The following SIPA1L2 variants were observed in gnomAD, a reference collection of about 807,000 sequenced individuals.
SIPA1L2 encodes the protein signal induced proliferation associated 1 like 2.
SIPA1L2 carries 56 observed loss-of-function variants against 163.9 expected under a neutral mutation model. That is an observed-to-expected ratio of 0.34 (90% CI 0.28 to 0.43). SIPA1L2 has a LOEUF of 0.43. Among genes scored for constraint, SIPA1L2 ranks in the 20% least tolerant of loss-of-function variants. The probability of loss-of-function intolerance (pLI) is 1.00; values close to 1 mark genes in which losing one functional copy is unlikely to be tolerated. For synonymous variants in SIPA1L2, 877 were observed against 865.7 expected (o/e 1.01, Z -0.23); for missense variants, 1,974 against 2,193.5 (o/e 0.90, Z 2.00).
intron 16 of SIPA1L2, among the ~76,000 whole-genome samples, chr1:232,429,869 C>T (rs1049637663): frequency 4.6e-5 from 7 of 152,086 alleles, no homozygotes; most frequent in Non-Finnish European, 7.4e-5. Context: ...GGGAAAGATG[C>T]GGGGAAAAAT....
At chr1:232,408,301 T>A (rs1660757243) in intron 19 of SIPA1L2, among the ~76,000 whole-genome samples, 2 of 151,878 alleles carry the variant, frequency 1.3e-5, no homozygotes, top group African/African-American at 2.4e-5. Context: ...TTTTTTTTTT[T>A]AAACTGTTTG....
rs1464593081 is a variant in SIPA1L2 at position 232,483,984 on chromosome 1, T to A, written c.1807-18A>T. ...AAGCTCAGCTGAAATGGGGGAGAAA[T>A]ATAATTACTTGGCAAAGCATATCAG... On this transcript the variant is annotated intron_variant, in intron 5 of 22. Transcript: ENST00000674635. 7 of 1,597,044 alleles carry A rather than the reference T, an allele frequency of 4.4e-6. No homozygotes were observed. The highest frequency in any genetic ancestry group is 5.1e-6 in the Non-Finnish European group (6 of 1,175,032).
intron 2 of SIPA1L2, among the ~76,000 whole-genome samples, chr1:232,563,354 T>C (rs559314614): frequency 5.4e-4 from 82 of 152,266 alleles, no homozygotes; most frequent in African/African-American, 1.8e-3. Flanking sequence ...CAAACCTAAA[T>C]TTTAGCCCTT....
intron 19 of SIPA1L2, among the ~76,000 whole-genome samples, chr1:232,409,366 C>A (rs1427609930): frequency 6.6e-6 from 1 of 152,150 alleles, no homozygotes; most frequent in African/African-American, 2.4e-5. Context: ...CATGTTAATT[C>A]AATCTTACTG....
At chr1:232,504,410 T>C (rs6698163) in intron 3 of SIPA1L2, among the ~76,000 whole-genome samples, 109,306 of 151,670 alleles carry the variant, frequency 0.72, 39,595 homozygotes, top group East Asian at 0.88. Flanking sequence ...TGGTGGCGCA[T>C]GCCTGTAGTT....
intron 10 of SIPA1L2, among the ~76,000 whole-genome samples, chr1:232,456,577 A>G (rs1423271882): frequency 3.9e-5 from 6 of 152,242 alleles, no homozygotes; most frequent in Non-Finnish European, 7.3e-5. Context: ...CACTCACATT[A>G]TATAACAACT....
chr1:232,552,399 C>T (rs1301168582), intron 2 of SIPA1L2, among the ~76,000 whole-genome samples: 2 of 151,872 alleles, frequency 1.3e-5, no homozygotes, highest in African/African-American at 4.8e-5. Flanking sequence ...AGTAAATATT[C>T]GTTTTCTGCT....
intron 10 of SIPA1L2, among the ~76,000 whole-genome samples, chr1:232,454,683 C>T (rs1663792245): frequency 6.6e-6 from 1 of 152,200 alleles, no homozygotes; most frequent in African/African-American, 2.4e-5. Context: ...AATGCTCATG[C>T]TTTACCGCCA....
At chr1:232,601,470 CAA>C (rs1010126480) in intron 1 of SIPA1L2, among the ~76,000 whole-genome samples, 2 of 152,194 alleles carry the variant, frequency 1.3e-5, no homozygotes, top group Admixed American at 1.3e-4. Flanking sequence ...GGGCACCAAA[CAA>C]AGGATAACTC....
intron 5 of SIPA1L2, 117 bp downstream of exon 5, chr1:232,490,757 A>C: frequency 1.8e-6 from 2 of 1,089,072 alleles, no homozygotes; most frequent in Middle Eastern, 3.2e-4. Context: ...TAAAGAGAAA[A>C]TGTTCTAAGG....
At chr1:232,407,449 G>A (rs1660707153) in intron 19 of SIPA1L2, among the ~76,000 whole-genome samples, 2 of 152,166 alleles carry the variant, frequency 1.3e-5, no homozygotes, top group Admixed American at 1.3e-4. Flanking sequence ...CATAAAAAGG[G>A]ATGTTTATTA....
intron 3 of SIPA1L2, among the ~76,000 whole-genome samples, chr1:232,512,875 A>G (rs1667044485): frequency 6.6e-6 from 1 of 152,246 alleles, no homozygotes; most frequent in Non-Finnish European, 1.5e-5. Context: ...TAGTTTATGC[A>G]CTGAGAAAAA....
chr1:232,464,964 T>C lies in SIPA1L2; in HGVS notation c.2696A>G (p.Asp899Gly). 1 of 1,614,188 alleles carries C rather than the reference T, an allele frequency of 6.2e-7. No homozygotes were observed. Among genetic ancestry groups the C allele is most frequent in the African/African-American group, 1.3e-5 (1 of 75,046 alleles). The change falls in exon 9 of 23, where the codon GAT (aspartate) becomes GGT (glycine). Residue 899 changes from aspartate (D) to glycine (G), a missense_variant. Physicochemically the swap from Asp to Gly is moderately conservative, Grantham distance 94. This residue lies in a region of SIPA1L2 where 1,079 missense variants were observed against 1,150.7 expected (regional missense o/e 0.94). Transcript: ENST00000674635. ...TAATCCAGATGTCCACCCAATCACATCCCTGCAGGAACAGTTGAATACAAC... is the reference window on the plus strand; with the variant it reads ...TAATCCAGATGTCCACCCAATCACACCCCTGCAGGAACAGTTGAATACAAC... ...KNVVFNCSCR[D>G]VIGWTSGLVS... is the part of the protein sequence containing the mutation.
In SIPA1L2 at chr1:232,494,784, C is replaced by T. The variant is rs1425122257; in HGVS notation, c.1484-1124G>A. On this transcript the variant is annotated intron_variant, in intron 3 of 22. Transcript: ENST00000674635. Reference sequence around the variant, plus strand: ...AGCTTAAAAATTTATCTATTTTTAGCAGCCCCATCACACCAATCATTCATG... The same window carrying T: ...AGCTTAAAAATTTATCTATTTTTAGTAGCCCCATCACACCAATCATTCATG... Among the ~76,000 whole-genome samples, 3 of 152,230 alleles carry T rather than the reference C, an allele frequency of 2.0e-5. 1 individual carries two copies. The highest frequency in any genetic ancestry group is 1.3e-4 in the Admixed American group (2 of 15,286).
chr1:232,563,718 TTTTTG>T (rs2102751826), intron 2 of SIPA1L2, among the ~76,000 whole-genome samples: 1 of 152,232 alleles, frequency 6.6e-6, no homozygotes, highest in African/African-American at 2.4e-5. Context: ...ACAACAAAGC[TTTTTG>T]TTTTGTTTTA....
chr1:232,601,992 G>A (rs920213094), intron 1 of SIPA1L2, among the ~76,000 whole-genome samples: 1 of 152,130 alleles, frequency 6.6e-6, no homozygotes, highest in African/African-American at 2.4e-5. Context: ...ATTTCAGAGG[G>A]TGCAAAGACA....
intron 1 of SIPA1L2, among the ~76,000 whole-genome samples, chr1:232,625,744 C>T (rs191631322): frequency 6.2e-4 from 94 of 152,258 alleles, no homozygotes; most frequent in Admixed American, 5.0e-3. Flanking sequence ...TTTGAATAAA[C>T]AAGCAGAATC....
Position 232,439,188 on chromosome 1 carries a change from A to G in SIPA1L2, c.3951T>C (p.His1317=), listed in dbSNP as rs758526653. The change falls in exon 15 of 23, where the codon CAT becomes CAC. Residue 1317 remains histidine (H), a synonymous_variant. Transcript: ENST00000674635. ...CGGCGGAGATGGTGGACGCGTAGCCATGCACAGAATATAACTTGGCTGGCT... is the reference window on the plus strand; with the variant it reads ...CGGCGGAGATGGTGGACGCGTAGCCGTGCACAGAATATAACTTGGCTGGCT... The part of the protein sequence containing the change: ...DDEPAKLYSV[H]GYASTISAGS... 2 of 1,613,780 alleles carry G rather than the reference A, an allele frequency of 1.2e-6. No individual in the cohort carries two copies. Among genetic ancestry groups the G allele is most frequent in the South Asian group, 1.1e-5 (1 of 91,090 alleles).
chr1:232,465,537 T>C lies in SIPA1L2; in HGVS notation c.2244-121A>G, dbSNP rs1180977471. ...ATACATACACACACACACACACATA[T>C]ACATACACACATACACACACACTTT... On this transcript the variant is annotated intron_variant, in intron 8 of 22. Coordinates refer to ENST00000674635, the MANE Select transcript of SIPA1L2 (RefSeq NM_020808.5). This position sits in a 1 kb window ranked among gnomAD's most constrained non-coding sequence, Gnocchi z 4.1. 3.3e-5 allele frequency: 26 copies of C among 792,662 alleles called. No homozygotes were observed. The highest frequency in any genetic ancestry group is 7.1e-5 in the African/African-American group (4 of 56,028). 49.1% of individuals were successfully genotyped at this position (792,662 alleles called of 1,614,324 possible).
Sources: gnomAD v4.1 joint callset for allele counts (sites outside exome capture counted in the v4.1 genomes callset) on GRCh38, gnomAD v4.1.1 for gene constraint, gnomAD v4.1.1 regional missense constraint, Gnocchi (gnomAD v3.1) non-coding constraint, MANE v1.5 for transcripts, NCBI Gene and HGNC (gene_info 2026-07-23, HGNC 2026-07-21) for gene names.